The following KLHL13 variants were observed in gnomAD, a reference collection of about 807,000 sequenced individuals.
KLHL13 encodes kelch like family member 13, also known as kelch-like protein 13.
Under a neutral mutation model 37.1 loss-of-function variants are expected in KLHL13, and 10 were observed. That is an observed-to-expected ratio of 0.27 (90% CI 0.17 to 0.46). KLHL13 has a LOEUF of 0.46. KLHL13 is among the 20% of genes least tolerant of loss of function. The pLI, the probability that KLHL13 is intolerant of heterozygous loss-of-function variation, is 1.00. For missense variants in KLHL13, 360 were observed against 509.3 expected, an observed-to-expected ratio of 0.71 and a Z score of 2.82; for synonymous variants, 163 against 181.2, an observed-to-expected ratio of 0.90 and a Z score of 0.81.
intron 1 of KLHL13, among the ~76,000 whole-genome samples, chrX:118,063,849 C>T (rs2054768135): frequency 8.9e-6 from 1 of 111,859 alleles, no homozygotes; most frequent in Non-Finnish European, 1.9e-5. Context: ...GATCAGACTA[C>T]TTACAAAGAG....
intron 1 of KLHL13, among the ~76,000 whole-genome samples, chrX:118,019,007 G>C (rs937943539): frequency 9.0e-6 from 1 of 111,063 alleles, no homozygotes; most frequent in African/African-American, 3.3e-5. Flanking sequence ...GATTACTATA[G>C]TTAAACAAAT....
rs141721134 is a variant in KLHL13 at position 118,039,075 on chromosome X, G to A, written c.-56+77433C>T. On this transcript the variant is annotated intron_variant, in intron 1 of 6. Coordinates refer to the KLHL13 transcript ENST00000371882. ...AAAAAGGAAACCTGCTGCCTTGAAG[G>A]GAAGGACCCAGTCCTAAGCAGGATT... Among the ~76,000 whole-genome samples, 163 of 112,411 alleles carry A rather than the reference G, an allele frequency of 1.5e-3. 2 individuals are homozygous for A. The highest frequency in any genetic ancestry group is 5.1e-3 in the African/African-American group (158 of 30,956).
At chrX:117,989,852 C>A (rs1272979573) in intron 1 of KLHL13, among the ~76,000 whole-genome samples, 1 of 111,267 alleles carries the variant, frequency 9.0e-6, no homozygotes, top group Admixed American at 9.6e-5. Flanking sequence ...TGCTATCCTC[C>A]TGTGATACTT....
At position 118,048,155 on chromosome X, in the gene KLHL13, A is replaced by G. The variant is rs140944437; in HGVS notation, c.-56+68353T>C. Among the ~76,000 whole-genome samples, 278 of 111,507 alleles carry G rather than the reference A, an allele frequency of 2.5e-3. 1 individual carries two copies. Among genetic ancestry groups the G allele is most frequent in the African/African-American group, 8.6e-3 (265 of 30,784 alleles). Reference sequence around the variant, plus strand: ...TGTTCCTTTAATAGAGAGTAGAGAAATGGGTGGCAGTTGGATGAGACATAA... The same window carrying G: ...TGTTCCTTTAATAGAGAGTAGAGAAGTGGGTGGCAGTTGGATGAGACATAA... On this transcript the variant is annotated intron_variant, in intron 1 of 6. Coordinates refer to the KLHL13 transcript ENST00000371882.
intron 2 of KLHL13, among the ~76,000 whole-genome samples, chrX:117,942,772 T>A (rs141230321): frequency 0.1 from 11,400 of 110,248 alleles, 596 homozygotes; most frequent in African/African-American, 0.19. Context: ...ATGGGCCTTG[T>A]CTATCCAATT....
At chrX:118,043,972 T>C (rs901410810) in intron 1 of KLHL13, among the ~76,000 whole-genome samples, 1 of 112,068 alleles carries the variant, frequency 8.9e-6, no homozygotes, top group African/African-American at 3.2e-5. Context: ...GCAGATAACA[T>C]GATCTTATAT....
intron 1 of KLHL13, among the ~76,000 whole-genome samples, chrX:118,053,824 GGAGAGAGAGAGAGAGAGAGAGAGAGGAGA>G (rs2054649169): frequency 5.7e-5 from 3 of 52,682 alleles, no homozygotes; most frequent in African/African-American, 8.7e-5. Context: ...AGAGAGGAGA[GGAGAGAGAGAGAGAGAGAGAGAGAGGAGA>G]GAGAGAGAGA....
chrX:118,033,345 A>G (rs1398225251), intron 1 of KLHL13, among the ~76,000 whole-genome samples: 1 of 111,458 alleles, frequency 9.0e-6, no homozygotes, highest in Non-Finnish European at 1.9e-5. Flanking sequence ...CCAGAGAGAA[A>G]GGTCGGGTTA....
chrX:117,899,215 A>G, exon 7 of KLHL13: 1 of 1,211,187 alleles, frequency 8.3e-7, no homozygotes, highest in Non-Finnish European at 1.1e-6. Flanking sequence ...ACAGCTTAGG[A>G]CATCATCATA....
At chrX:117,916,869 G>A (rs985469459) in intron 4 of KLHL13, among the ~76,000 whole-genome samples, 9 of 111,633 alleles carry the variant, frequency 8.1e-5, no homozygotes, top group African/African-American at 2.0e-4. Flanking sequence ...TCAGCACACC[G>A]TTCTTAAACA....
intron 1 of KLHL13, among the ~76,000 whole-genome samples, chrX:118,013,769 G>A (rs1003976449): frequency 5.3e-5 from 6 of 112,375 alleles, no homozygotes; most frequent in South Asian, 3.7e-4. Flanking sequence ...CGGAGAGACC[G>A]GCTGGAGCCG....
At chrX:118,105,924 T>TG (rs1311577221) in intron 1 of KLHL13, among the ~76,000 whole-genome samples, 1 of 86,131 alleles carries the variant, frequency 1.2e-5, no homozygotes, top group African/African-American at 4.7e-5. Context: ...TTTTTTGAGA[T>TG]GGAGTCTCGC....
chrX:117,973,738 T>C (rs1183639557), exon 1 of KLHL13: 29 of 789,179 alleles, frequency 3.7e-5, no homozygotes, highest in Non-Finnish European at 4.4e-5. Context: ...ATGCTCTTAA[T>C]AGCAGTCCTC....
At chrX:118,055,745 C>T (rs758565428) in intron 1 of KLHL13, among the ~76,000 whole-genome samples, 50 of 111,820 alleles carry the variant, frequency 4.5e-4, no homozygotes, top group African/African-American at 1.6e-3. Flanking sequence ...CAGCAAGACC[C>T]TCAGCTCTAA....
At chrX:118,006,781 C>T (rs908310108) in intron 1 of KLHL13, among the ~76,000 whole-genome samples, 1 of 111,421 alleles carries the variant, frequency 9.0e-6, no homozygotes, top group African/African-American at 3.3e-5. Flanking sequence ...AGAGTCAAGA[C>T]CAGAAAACAG....
intron 1 of KLHL13, among the ~76,000 whole-genome samples, chrX:118,096,335 A>T (rs778817753): frequency 1.2e-4 from 13 of 111,713 alleles, no homozygotes; most frequent in African/African-American, 3.9e-4. Flanking sequence ...CTAGAAGAAA[A>T]GGATAAATTC....
At chrX:117,959,249 CACCCTCTGTAGGAA>C (rs2053251066) in intron 1 of KLHL13, among the ~76,000 whole-genome samples, 1 of 112,194 alleles carries the variant, frequency 8.9e-6, no homozygotes, top group African/African-American at 3.2e-5. Flanking sequence ...TGCATGCACG[CACCCTCTGTAGGAA>C]AGTGATCGTA....
At chrX:118,032,189 T>C (rs1227029244) in intron 1 of KLHL13, among the ~76,000 whole-genome samples, 1 of 111,166 alleles carries the variant, frequency 9.0e-6, no homozygotes, top group Non-Finnish European at 1.9e-5. Context: ...TGCCCAGGCT[T>C]GCTTAGGTAA....
chrX:118,105,620 T>C (rs1438214912), intron 1 of KLHL13, among the ~76,000 whole-genome samples: 1 of 112,788 alleles, frequency 8.9e-6, no homozygotes, highest in Non-Finnish European at 1.9e-5. Flanking sequence ...AATTGACTCA[T>C]GTTCTCTGTT....
Sources: gnomAD v4.1 joint callset for allele counts (sites outside exome capture counted in the v4.1 genomes callset) on GRCh38, gnomAD v4.1.1 for gene constraint, MANE v1.5 for transcripts, NCBI Gene and HGNC (gene_info 2026-07-23, HGNC 2026-07-21) for gene names.